The following TRIQK variants were observed in gnomAD, a reference collection of about 807,000 sequenced individuals.
TRIQK encodes triple QxxK/R motif-containing protein.
In TRIQK, 10 loss-of-function variants were observed where a neutral mutation model predicts 10.8. The ratio of observed to expected loss-of-function variants is 0.92; its 90% CI spans 0.57 to 1.57. The LOEUF (loss-of-function observed/expected upper bound fraction) is 1.57. Among genes scored for constraint, TRIQK ranks in the 40% most tolerant of loss-of-function variants. TRIQK has a pLI of 0.00. For synonymous variants in TRIQK, 33 were observed against 33.7 expected (o/e 0.98, Z 0.07); for missense variants, 107 against 97.7 (o/e 1.09, Z -0.40).
intron 2 of TRIQK, among the ~76,000 whole-genome samples, chr8:92,933,947 T>G (rs909480501): frequency 3.3e-5 from 5 of 152,090 alleles, no homozygotes; most frequent in African/African-American, 1.2e-4. Flanking sequence ...ATTATCAATT[T>G]CAAGTAATTA....
intron 1 of TRIQK, among the ~76,000 whole-genome samples, chr8:93,011,972 T>C (rs1260122314): frequency 6.6e-6 from 1 of 152,118 alleles, no homozygotes; most frequent in African/African-American, 2.4e-5. Context: ...TACAGATAGA[T>C]GGTGGACAGT....
At chr8:92,989,849 T>C (rs1563673653) in intron 1 of TRIQK, among the ~76,000 whole-genome samples, 1 of 152,028 alleles carries the variant, frequency 6.6e-6, no homozygotes, top group Non-Finnish European at 1.5e-5. Flanking sequence ...GAAGACATCA[T>C]GAAAGAATGT....
chr8:92,903,369 C>G (rs959589120), intron 3 of TRIQK, among the ~76,000 whole-genome samples: 2 of 151,780 alleles, frequency 1.3e-5, no homozygotes, highest in African/African-American at 2.4e-5. Flanking sequence ...ACTTAAATGT[C>G]TACATATAAA....
upstream of TRIQK, among the ~76,000 whole-genome samples, chr8:92,970,658 T>C (rs964500390): frequency 1.3e-5 from 2 of 152,176 alleles, no homozygotes; most frequent in East Asian, 3.9e-4. Context: ...TGTTTTTCTC[T>C]TGTAAATCTG....
intron 3 of TRIQK, among the ~76,000 whole-genome samples, chr8:92,893,506 T>A (rs982465750): frequency 1.3e-5 from 2 of 151,958 alleles, no homozygotes. Context: ...ATAATATGTA[T>A]CAAATGATCT....
intron 3 of TRIQK, among the ~76,000 whole-genome samples, chr8:92,910,769 TATC>T (rs1809527210): frequency 6.6e-6 from 1 of 151,242 alleles, no homozygotes; most frequent in Non-Finnish European, 1.5e-5. Context: ...AAGGGGAAAT[TATC>T]ATAAATATAT....
intron 1 of TRIQK, among the ~76,000 whole-genome samples, chr8:92,987,113 C>G (rs1254571758): frequency 6.6e-6 from 1 of 152,138 alleles, no homozygotes; most frequent in Non-Finnish European, 1.5e-5. Flanking sequence ...ACTATGGTCA[C>G]CATCCCTGAA....
intron 1 of TRIQK, among the ~76,000 whole-genome samples, chr8:92,995,983 AC>A (rs1479461500): frequency 1.3e-5 from 2 of 152,090 alleles, no homozygotes; most frequent in Non-Finnish European, 2.9e-5. Context: ...GTGATATGTA[AC>A]TACCAACTGT....
At chr8:92,931,682 G>A (rs1166900345) in intron 2 of TRIQK, among the ~76,000 whole-genome samples, 1 of 152,072 alleles carries the variant, frequency 6.6e-6, no homozygotes, top group Admixed American at 6.6e-5. Context: ...TGTCATCAGA[G>A]ACCTATAATA....
chr8:92,977,846 A>C (rs1812949450), intron 1 of TRIQK, among the ~76,000 whole-genome samples: 1 of 152,128 alleles, frequency 6.6e-6, no homozygotes, highest in African/African-American at 2.4e-5. Flanking sequence ...TTTGAGATTT[A>C]AGTTTTGTTA....
At chr8:92,995,632 A>T (rs1379225142) in intron 1 of TRIQK, among the ~76,000 whole-genome samples, 2 of 152,014 alleles carry the variant, frequency 1.3e-5, no homozygotes, top group Non-Finnish European at 2.9e-5. Flanking sequence ...AACAGTGATC[A>T]TCTTCCCTCA....
chr8:92,918,834 C>T (rs2130472542), intron 2 of TRIQK, among the ~76,000 whole-genome samples: 1 of 150,542 alleles, frequency 6.6e-6, no homozygotes, highest in East Asian at 1.9e-4. Context: ...ATGTTTTTTT[C>T]CAGTCATTTC....
chr8:92,915,658 A>T (rs1284604499), intron 3 of TRIQK, among the ~76,000 whole-genome samples: 9 of 142,496 alleles, frequency 6.3e-5, no homozygotes, highest in African/African-American at 2.3e-4. Flanking sequence ...CGCCCGGCTA[A>T]TTTTTTTTTT....
At chr8:93,006,191 G>A (rs1403630978) in intron 1 of TRIQK, among the ~76,000 whole-genome samples, 5 of 152,098 alleles carry the variant, frequency 3.3e-5, no homozygotes, top group African/African-American at 1.2e-4. Context: ...ACTAGAAACA[G>A]CTGTGGTCAG....
intron 2 of TRIQK, among the ~76,000 whole-genome samples, chr8:92,934,899 T>C (rs1810906324): frequency 6.6e-6 from 1 of 151,888 alleles, no homozygotes; most frequent in Non-Finnish European, 1.5e-5. Context: ...CTAATATAAC[T>C]CTACTATGTA....
chr8:92,924,751 CAT>C (rs1357777626), intron 2 of TRIQK, among the ~76,000 whole-genome samples: 4 of 151,616 alleles, frequency 2.6e-5, no homozygotes, highest in South Asian at 2.1e-4. Flanking sequence ...TATTATAAGT[CAT>C]ATTAATTATT....
At chr8:93,013,083 G>C (rs1361386705) in intron 1 of TRIQK, among the ~76,000 whole-genome samples, 1 of 152,064 alleles carries the variant, frequency 6.6e-6, no homozygotes, top group Admixed American at 6.6e-5. Context: ...AATGTTTTCA[G>C]GATTACTCAT....
At chr8:92,913,040 T>C (rs1186484649) in intron 3 of TRIQK, among the ~76,000 whole-genome samples, 1 of 151,916 alleles carries the variant, frequency 6.6e-6, no homozygotes, top group Non-Finnish European at 1.5e-5. Context: ...CTTATGAACA[T>C]AAAACAAAAA....
intron 1 of TRIQK, chr8:92,973,154 A>G (rs941756998): frequency 3.9e-5 from 6 of 152,240 alleles, no homozygotes; most frequent in Non-Finnish European, 7.3e-5. Context: ...GAATGTGTGC[A>G]TATCAAGAAA....
Sources: allele counts gnomAD v4.1 joint callset (sites outside exome capture counted in the v4.1 genomes callset), GRCh38; gene constraint gnomAD v4.1.1; transcripts MANE v1.5; gene names NCBI Gene and HGNC (gene_info 2026-07-23, HGNC 2026-07-21).